Variants in CPZ observed in about 807,000 individuals in gnomAD.
The protein encoded by CPZ is VEZT/CPZ fusion.
CPZ carries 103 observed loss-of-function variants against 61.8 expected under a neutral mutation model. The observed-to-expected ratio is 1.67, with a 90% CI of 1.42 to 1.96. CPZ has a LOEUF of 1.96. CPZ is among the 30% of genes most tolerant of loss of function. The pLI is 0.00. For synonymous variants in CPZ, 551 were observed against 373.7 expected (o/e 1.47, Z -5.47); for missense variants, 1,461 against 914.9 (o/e 1.60, Z -7.70).
intron 9 of CPZ, among the ~76,000 whole-genome samples, chr4:8,615,688 G>A (rs576127396): frequency 6.6e-6 from 1 of 152,178 alleles, no homozygotes; most frequent in Non-Finnish European, 1.5e-5. Context: ...CAATGTCTGC[G>A]AGCCAGCCAG....
At chr4:8,592,942 C>A (rs2109306874) in intron 1 of CPZ, 21 bp downstream of exon 1, 3 of 1,468,502 alleles carry the variant, frequency 2.0e-6, no homozygotes, top group South Asian at 2.5e-5. Context: ...CCCCTGCCCC[C>A]ACCCTCCACC....
chr4:8,618,926 C>T (rs188994605), intron 10 of CPZ, among the ~76,000 whole-genome samples: 33 of 151,034 alleles, frequency 2.2e-4, no homozygotes, highest in African/African-American at 5.1e-4. Flanking sequence ...ATTTCACAGC[C>T]GATGAAAAAT....
At chr4:8,600,097 A>G (rs1230015992) in intron 2 of CPZ, 1 of 152,242 alleles carries the variant, frequency 6.6e-6, no homozygotes, top group Non-Finnish European at 1.5e-5. Flanking sequence ...CTGGGTACCA[A>G]GTCAATGACA....
rs996306530 is a variant in CPZ, at chr4:8,619,709, C to G, written c.*92C>G. 1.8e-5 allele frequency: 17 copies of G among 967,928 alleles called. No individual in the cohort carries two copies. Among genetic ancestry groups the G allele is most frequent in the Non-Finnish European group, 2.3e-5 (16 of 687,578 alleles). The allele number at this position is 967,928 out of a possible 1,614,324, so 60.0% of individuals were successfully genotyped here. ...CTTGATTTTGTCTGCCACAGACATC[C>G]CACAAAGCCGCTGCCATTTTATTAA... On this transcript the variant is annotated 3_prime_UTR_variant, in exon 11 of 11. Coordinates refer to ENST00000360986, the MANE Select transcript of CPZ (RefSeq NM_001014447.3).
intron 6 of CPZ, 110 bp downstream of exon 6, chr4:8,607,008 C>T: frequency 3.1e-6 from 4 of 1,280,166 alleles, no homozygotes; most frequent in Non-Finnish European, 4.2e-6. Flanking sequence ...GCCTGGTGCT[C>T]CCTCCCTGCC....
intron 3 of CPZ, 80 bp from the exon 4 acceptor site, chr4:8,603,896 T>A: frequency 8.2e-7 from 1 of 1,215,668 alleles, no homozygotes. Flanking sequence ...CTAAGGGTGC[T>A]GTGTGTGGTC....
At chr4:8,610,365 G>T (rs909799391) in intron 7 of CPZ, among the ~76,000 whole-genome samples, 1 of 152,218 alleles carries the variant, frequency 6.6e-6, no homozygotes, top group Non-Finnish European at 1.5e-5. Context: ...GGGACTGGTG[G>T]TCGGCAGCCA....
rs777023599 is a variant in CPZ, at chr4:8,606,125, C to T, written c.846C>T (p.Thr282=). The change falls in exon 5 of 11, where the codon ACC becomes ACT. Residue 282 remains threonine, a synonymous_variant. Coordinates refer to ENST00000360986, the MANE Select transcript of CPZ (RefSeq NM_001014447.3). ...CCCGCATCCAGCGCCTGCTCAACACCACCCGCATCCACCTGCTGCCCTCCA... is the reference window on the plus strand; with the variant it reads ...CCCGCATCCAGCGCCTGCTCAACACTACCCGCATCCACCTGCTGCCCTCCA... ...GNPRIQRLLN[T]TRIHLLPSMN... The T allele has an allele frequency of 5.6e-6, 9 of 1,613,928 alleles. No homozygotes were observed. The highest frequency in any genetic ancestry group is 2.2e-5 in the South Asian group (2 of 91,084).
intron 8 of CPZ, among the ~76,000 whole-genome samples, chr4:8,613,526 G>T (rs1463278045): frequency 6.6e-6 from 1 of 152,224 alleles, no homozygotes; most frequent in African/African-American, 2.4e-5. Context: ...CTACACTGGG[G>T]TCTGGGCAGG....
At chr4:8,596,916 T>G (rs79604109) in intron 1 of CPZ, among the ~76,000 whole-genome samples, 160 of 152,284 alleles carry the variant, frequency 1.1e-3, no homozygotes, top group African/African-American at 3.6e-3. Flanking sequence ...AGTTAGTTCT[T>G]CCAGTCGCTC....
In CPZ at chr4:8,592,833, C is replaced by T. The variant is rs1247552505; in HGVS notation, c.-1C>T. On this transcript the variant is annotated 5_prime_UTR_variant, in exon 1 of 11. Coordinates refer to ENST00000360986, the MANE Select transcript of CPZ (RefSeq NM_001014447.3). ...GGCCGTCCAAGGTCCGCCGCCCCACCATGCCGCCCCCGCTGCCGCTGCTGC... is the reference window on the plus strand; with the variant it reads ...GGCCGTCCAAGGTCCGCCGCCCCACTATGCCGCCCCCGCTGCCGCTGCTGC... 2.0e-6 allele frequency: 3 copies of T among 1,468,976 alleles called. No homozygotes were observed. Among genetic ancestry groups the T allele is most frequent in the Non-Finnish European group, 1.8e-6 (2 of 1,115,822 alleles). The allele number at this position is 1,468,976 out of a possible 1,614,324, so 91.0% of individuals were successfully genotyped here. A position where few individuals can be genotyped will look rare whatever the true frequency, so the allele number is the denominator to read the frequency against.
chr4:8,615,670 C>T (rs1241223522), intron 9 of CPZ, among the ~76,000 whole-genome samples: 1 of 152,172 alleles, frequency 6.6e-6, no homozygotes, highest in Non-Finnish European at 1.5e-5. Context: ...GCTTGTGCTC[C>T]AGGCTCCCAA....
At chr4:8,598,940 G>A (rs1239518599) in intron 1 of CPZ, among the ~76,000 whole-genome samples, 1 of 152,262 alleles carries the variant, frequency 6.6e-6, no homozygotes, top group Non-Finnish European at 1.5e-5. Flanking sequence ...GTCCTTGGGG[G>A]CACGGAGCCT....
intron 1 of CPZ, among the ~76,000 whole-genome samples, chr4:8,599,084 C>A (rs986905762): frequency 1.3e-5 from 2 of 152,156 alleles, no homozygotes; most frequent in Non-Finnish European, 2.9e-5. Context: ...TTGAGATTGG[C>A]CACAGTAGAG....
Position 8,609,576 on chromosome 4 carries a change from G to A in CPZ, c.1227+2151G>A, listed in dbSNP as rs1207377693. 2.7e-5 allele frequency among the ~76,000 whole-genome samples: 4 copies of A among 146,340 alleles called. 1 individual carries two copies. The highest frequency in any genetic ancestry group is 2.6e-4 in the Admixed American group (4 of 15,122). On this transcript the variant is annotated intron_variant, in intron 7 of 10. Transcript: ENST00000360986. ...GGCCTTGCACCCCTGTGCTCTTGGGGGCCATGGCTGGGCAGGGCAGGTGTC... is the reference window on the plus strand; with the variant it reads ...GGCCTTGCACCCCTGTGCTCTTGGGAGCCATGGCTGGGCAGGGCAGGTGTC...
At chr4:8,606,215 GC>G in intron 5 of CPZ, 30 bp downstream of exon 5, 1 of 1,591,480 alleles carries the variant, frequency 6.3e-7, no homozygotes, top group Non-Finnish European at 8.6e-7. Context: ...GATCCTGTGG[GC>G]CACCGCCCGA....
Position 8,606,840 on chromosome 4 carries a change from A to G in CPZ, c.1010A>G (p.Glu337Gly), listed in dbSNP as rs760945341. 1.2e-6 allele frequency: 2 copies of G among 1,613,514 alleles called. No individual in the cohort carries two copies. Among genetic ancestry groups the G allele is most frequent in the African/African-American group, 1.3e-5 (1 of 74,928 alleles). Residue 337 changes from glutamate (E) to glycine (G), a missense_variant, in exon 6 of 11, where the codon GAG becomes GGG. Transcript: ENST00000360986. ...ACGTCCGAGTACTACCGGCTGGCGGAGACCCGCGGCGCACGCAGCGACCAC... is the reference window on the plus strand; with the variant it reads ...ACGTCCGAGTACTACCGGCTGGCGGGGACCCGCGGCGCACGCAGCGACCAC... Reference protein sequence around the residue: ...DLTSEYYRLAETRGARSDHIP... With the variant: ...DLTSEYYRLAGTRGARSDHIP...
Position 8,607,146 on chromosome 4 carries a change from T to A in CPZ, c.1069-121T>A, listed in dbSNP as rs112304692. 35 of 1,250,356 alleles carry A rather than the reference T, an allele frequency of 2.8e-5. 2 individuals are homozygous for A. In the African/African-American group the frequency reaches 3.4e-4, roughly 12 times the overall value. 77.5% of individuals were successfully genotyped at this position (1,250,356 alleles called of 1,614,324 possible). A position where few individuals can be genotyped will look rare whatever the true frequency, so the allele number is the denominator to read the frequency against. ...TGGGGGCCGAGTCCAGCTGGTGCGT[T>A]GATGTAGAGACCGTTAATAGTCTGC... On this transcript the variant is annotated intron_variant, in intron 6 of 10. Transcript: ENST00000360986.
At chr4:8,598,114 T>C (rs1714313504) in intron 1 of CPZ, among the ~76,000 whole-genome samples, 1 of 152,202 alleles carries the variant, frequency 6.6e-6, no homozygotes, top group Non-Finnish European at 1.5e-5. Context: ...TGGACCTCTT[T>C]TGTCATCTGT....
Sources: allele counts gnomAD v4.1 joint callset (sites outside exome capture counted in the v4.1 genomes callset), GRCh38; gene constraint gnomAD v4.1.1; transcripts MANE v1.5; gene names NCBI Gene and HGNC (gene_info 2026-07-23, HGNC 2026-07-21).